DPP6: variants seen among roughly 807,000 people sequenced by gnomAD.
DPP6 encodes the protein A-type potassium channel modulatory protein DPP6.
A neutral mutation model predicts 122.6 loss-of-function variants in DPP6; 69 were observed. The observed-to-expected ratio is 0.56, with a 90% CI of 0.46 to 0.69. The LOEUF is 0.69. Ranked by LOEUF, DPP6 falls within the 30% of genes least tolerant of loss-of-function variation. The pLI, the probability that DPP6 is intolerant of heterozygous loss-of-function variation, is 0.00. For missense variants in DPP6, 928 were observed against 1,116.9 expected (o/e 0.83, Z 2.41); for synonymous variants, 418 against 433.1 (o/e 0.97, Z 0.43).
the DPP6 span, among the ~76,000 whole-genome samples, chr7:153,820,742 A>G: frequency 1.3e-5 from 2 of 152,098 alleles, no homozygotes; most frequent in South Asian, 2.1e-4. Flanking sequence ...AAATGGATTA[A>G]AAAACAGTGT....
chr7:154,531,735 T>C lies in DPP6; in HGVS notation c.458-8797T>C, dbSNP rs188249071. The stretch of plus-strand genomic sequence containing the variant: ...TGTCTTCTGTAATACGTAAATTATG[T>C]TGATGTAATACACATAACAAGTATA... On this transcript the variant is annotated intron_variant, in intron 3 of 25. Coordinates refer to ENST00000377770, the MANE Select transcript of DPP6 (RefSeq NM_130797.4). 1.4e-4 allele frequency among the ~76,000 whole-genome samples: 21 copies of C among 152,286 alleles called. No individual in the cohort carries two copies. The East Asian group carries it at 4.1e-3, about 29-fold the overall frequency.
the DPP6 span, among the ~76,000 whole-genome samples, chr7:153,828,775 G>A: frequency 1.3e-5 from 2 of 152,046 alleles, no homozygotes; most frequent in Non-Finnish European, 2.9e-5. Flanking sequence ...TTTTACTATG[G>A]GAACTAATCA....
chr7:154,649,845 C>T, intron 6 of DPP6, among the ~76,000 whole-genome samples: 1 of 152,224 alleles, frequency 6.6e-6, no homozygotes, highest in East Asian at 1.9e-4. Flanking sequence ...AAGACAGACA[C>T]TCCCCATGGA....
At chr7:154,229,167 C>A (rs1346141757) in intron 1 of DPP6, among the ~76,000 whole-genome samples, 1 of 152,146 alleles carries the variant, frequency 6.6e-6, no homozygotes, top group African/African-American at 2.4e-5. Flanking sequence ...ATGCCTTGAG[C>A]ATCCCAAAAA....
intron 1 of DPP6, among the ~76,000 whole-genome samples, chr7:154,398,105 C>T (rs932801490): frequency 4.6e-5 from 7 of 152,078 alleles, no homozygotes; most frequent in African/African-American, 7.2e-5. Flanking sequence ...GTACATAATG[C>T]GTCAGGGTGT....
intron 1 of DPP6, among the ~76,000 whole-genome samples, chr7:154,075,847 T>C (rs918268508): frequency 7.3e-5 from 11 of 149,752 alleles, no homozygotes; most frequent in African/African-American, 2.7e-4. Context: ...ATACATGTGT[T>C]GAAATAGACA....
intron 1 of DPP6, among the ~76,000 whole-genome samples, chr7:153,904,091 G>T (rs1174563999): frequency 6.6e-6 from 1 of 152,128 alleles, no homozygotes; most frequent in Non-Finnish European, 1.5e-5. Flanking sequence ...TCACTGTGTT[G>T]CCTAAGCTGG....
chr7:153,867,552 T>C, the DPP6 span, among the ~76,000 whole-genome samples: 1 of 152,376 alleles, frequency 6.6e-6, no homozygotes, highest in Non-Finnish European at 1.5e-5. Context: ...GATTTTGGGC[T>C]GAGACAATGG....
At chr7:154,781,285 A>G (rs1399099682) in intron 10 of DPP6, among the ~76,000 whole-genome samples, 1 of 152,170 alleles carries the variant, frequency 6.6e-6, no homozygotes, top group African/African-American at 2.4e-5. Flanking sequence ...CTTTACCCCC[A>G]CCACTCCTAT....
intron 8 of DPP6, among the ~76,000 whole-genome samples, chr7:154,744,793 A>G (rs1270327572): frequency 6.6e-6 from 1 of 152,158 alleles, no homozygotes; most frequent in Non-Finnish European, 1.5e-5. Context: ...GTCTTTTGCA[A>G]TTTCCCGGGA....
intron 1 of DPP6, among the ~76,000 whole-genome samples, chr7:154,110,530 C>A (rs549744351): frequency 6.6e-6 from 1 of 152,274 alleles, no homozygotes; most frequent in South Asian, 2.1e-4. Flanking sequence ...AAAACACAGA[C>A]ACATCAGACC....
intron 1 of DPP6, among the ~76,000 whole-genome samples, chr7:153,967,455 A>G (rs1204543291): frequency 6.6e-6 from 1 of 152,186 alleles, no homozygotes; most frequent in Non-Finnish European, 1.5e-5. Flanking sequence ...CTTGCAGTGC[A>G]GTAGTTACAA....
chr7:154,703,358 C>T (rs1039367082), intron 7 of DPP6, among the ~76,000 whole-genome samples: 2 of 152,162 alleles, frequency 1.3e-5, no homozygotes, highest in African/African-American at 4.8e-5. Flanking sequence ...GCGGCTCATG[C>T]CTGTAATCCC....
intron 15 of DPP6, 110 bp from the exon 16 acceptor site, chr7:154,806,884 C>A: frequency 7.0e-7 from 1 of 1,422,622 alleles, no homozygotes; most frequent in Non-Finnish European, 9.4e-7. Context: ...GGGTCTGTAG[C>A]AGGGCTCCGC....
At chr7:154,803,810 T>C (rs1428698345) in intron 13 of DPP6, 54 bp from the exon 14 acceptor site, 90 of 1,581,910 alleles carry the variant, frequency 5.7e-5, no homozygotes, top group Non-Finnish European at 7.4e-5. Context: ...TGAAGAGCCA[T>C]GCTGGGGCCG....
intron 3 of DPP6, among the ~76,000 whole-genome samples, chr7:154,520,757 C>T (rs1017415945): frequency 6.6e-6 from 1 of 152,180 alleles, no homozygotes; most frequent in Admixed American, 6.5e-5. Context: ...TGCATCTCCA[C>T]CAGCCAGAAT....
intron 1 of DPP6, among the ~76,000 whole-genome samples, chr7:153,979,707 G>T (rs1563070568): frequency 6.6e-6 from 1 of 152,142 alleles, no homozygotes; most frequent in African/African-American, 2.4e-5. Context: ...TTATTATTTT[G>T]AGATACGTCC....
At chr7:154,484,149 T>C (rs1823586924) in intron 3 of DPP6, among the ~76,000 whole-genome samples, 1 of 152,190 alleles carries the variant, frequency 6.6e-6, no homozygotes, top group Admixed American at 6.5e-5. Context: ...TACCCTCTTA[T>C]TGACACTGTT....
At chr7:153,866,437 T>G in the DPP6 span, among the ~76,000 whole-genome samples, 1 of 152,228 alleles carries the variant, frequency 6.6e-6, no homozygotes, top group East Asian at 1.9e-4. Context: ...GTTTTTTGTC[T>G]GCATAAATGT....
Sources: allele counts gnomAD v4.1 joint callset (sites outside exome capture counted in the v4.1 genomes callset), GRCh38; gene constraint gnomAD v4.1.1; transcripts MANE v1.5; gene names NCBI Gene and HGNC (gene_info 2026-07-23, HGNC 2026-07-21).